Variants in HS6ST3 observed in about 807,000 individuals in gnomAD.
The protein encoded by HS6ST3 is heparan sulfate 6-O-sulfotransferase 3, also known as heparan-sulfate 6-O-sulfotransferase 3.
Under a neutral mutation model 36.7 loss-of-function variants are expected in HS6ST3, and 12 were observed. The observed-to-expected ratio is 0.33, with a 90% CI of 0.21 to 0.53. HS6ST3 has a LOEUF of 0.53. Among genes scored for constraint, HS6ST3 ranks in the 20% least tolerant of loss-of-function variants. The pLI, the probability that HS6ST3 is intolerant of heterozygous loss-of-function variation, is 0.95. For synonymous variants in HS6ST3, 240 were observed against 257.5 expected, an observed-to-expected ratio of 0.93 and a Z score of 0.65; for missense variants, 584 against 640.9, an observed-to-expected ratio of 0.91 and a Z score of 0.96.
chr13:96,439,082 GA>G (rs60523365), intron 1 of HS6ST3, among the ~76,000 whole-genome samples: 71,491 of 150,638 alleles, frequency 0.47, 17,619 homozygotes, highest in African/African-American at 0.61. Context: ...AAAAAAAAAA[GA>G]AAAAAAAAGA....
At chr13:96,695,549 C>T (rs915216888) in intron 1 of HS6ST3, among the ~76,000 whole-genome samples, 1 of 151,914 alleles carries the variant, frequency 6.6e-6, no homozygotes, top group African/African-American at 2.4e-5. Flanking sequence ...CCTCCCACCT[C>T]AGGCTCCTGA....
chr13:96,432,343 T>G (rs1430951442), intron 1 of HS6ST3, among the ~76,000 whole-genome samples: 1 of 152,238 alleles, frequency 6.6e-6, no homozygotes, highest in African/African-American at 2.4e-5. Flanking sequence ...AGTGTTATAT[T>G]TAATGGTGTA....
At chr13:96,621,182 A>T (rs2056493754) in intron 1 of HS6ST3, among the ~76,000 whole-genome samples, 1 of 152,198 alleles carries the variant, frequency 6.6e-6, no homozygotes. Context: ...TTAATGGGGC[A>T]TGAGGGAACC....
intron 1 of HS6ST3, among the ~76,000 whole-genome samples, chr13:96,173,755 T>C (rs2054199667): frequency 6.6e-6 from 1 of 151,236 alleles, no homozygotes; most frequent in Non-Finnish European, 1.5e-5. Flanking sequence ...TTCATTTTAA[T>C]TGGTGCCTAG....
At chr13:96,117,320 T>G (rs1266203249) in intron 1 of HS6ST3, among the ~76,000 whole-genome samples, 1 of 151,758 alleles carries the variant, frequency 6.6e-6, no homozygotes, top group Non-Finnish European at 1.5e-5. Context: ...TCTAAACACA[T>G]CAAAATAAAG....
chr13:96,339,738 G>A (rs1465824467), intron 1 of HS6ST3, among the ~76,000 whole-genome samples: 2 of 152,158 alleles, frequency 1.3e-5, no homozygotes, highest in Non-Finnish European at 2.9e-5. Context: ...CCATCAATTG[G>A]GAGTAACAGT....
At chr13:96,405,565 G>A (rs1355653874) in intron 1 of HS6ST3, among the ~76,000 whole-genome samples, 1 of 152,140 alleles carries the variant, frequency 6.6e-6, no homozygotes, top group Non-Finnish European at 1.5e-5. Flanking sequence ...TCTGACATGA[G>A]TACTGAATAA....
At chr13:96,818,967 ACTT>A (rs1187394429) in intron 1 of HS6ST3, among the ~76,000 whole-genome samples, 10 of 152,248 alleles carry the variant, frequency 6.6e-5, no homozygotes, top group African/African-American at 2.4e-4. Context: ...GTGTGTTGAA[ACTT>A]CTTAAGTATA....
At chr13:96,368,926 G>C (rs2055276330) in intron 1 of HS6ST3, among the ~76,000 whole-genome samples, 1 of 152,114 alleles carries the variant, frequency 6.6e-6, no homozygotes, top group African/African-American at 2.4e-5. Context: ...GTGTAAAAGT[G>C]TAAGGGACAT....
intron 1 of HS6ST3, among the ~76,000 whole-genome samples, chr13:96,802,431 A>G (rs956282946): frequency 6.6e-6 from 1 of 152,156 alleles, no homozygotes; most frequent in Non-Finnish European, 1.5e-5. Flanking sequence ...ACAAAAACTC[A>G]CTTTGTGAGG....
Position 96,297,476 on chromosome 13 carries a change from G to T in HS6ST3, c.707+205907G>T, listed in dbSNP as rs138796140. Among the ~76,000 whole-genome samples the T allele has an allele frequency of 3.9e-5, 6 of 152,206 alleles. No homozygotes were observed. The East Asian group carries it at 1.2e-3, about 29-fold the overall frequency. ...AAACCTGCAGTGGTTTCCCTGTAGC[G>T]TGTAGGTTAAAGTGAAAAAGCTCTT... On this transcript the variant is annotated intron_variant, in intron 1 of 1. Transcript: ENST00000376705.
At chr13:96,183,885 A>G (rs1263066649) in intron 1 of HS6ST3, among the ~76,000 whole-genome samples, 1 of 152,152 alleles carries the variant, frequency 6.6e-6, no homozygotes, top group East Asian at 1.9e-4. Context: ...GTAATTAATG[A>G]CACTGAATTT....
intron 1 of HS6ST3, among the ~76,000 whole-genome samples, chr13:96,466,728 G>T (rs2055815844): frequency 6.6e-6 from 1 of 151,968 alleles, no homozygotes; most frequent in African/African-American, 2.4e-5. Context: ...CACAGTACAT[G>T]CATGTATCAA....
At chr13:96,121,043 TC>T (rs2053923141) in intron 1 of HS6ST3, among the ~76,000 whole-genome samples, 1 of 152,208 alleles carries the variant, frequency 6.6e-6, no homozygotes, top group African/African-American at 2.4e-5. Context: ...AGGTTTCATT[TC>T]CAAGTCCGAG....
intron 1 of HS6ST3, among the ~76,000 whole-genome samples, chr13:96,428,928 C>T (rs552067464): frequency 8.5e-5 from 13 of 152,204 alleles, no homozygotes; most frequent in African/African-American, 2.9e-4. Context: ...TGGAAGAACA[C>T]GATGGGGATG....
intron 1 of HS6ST3, among the ~76,000 whole-genome samples, chr13:96,379,573 C>G (rs1342709884): frequency 6.6e-6 from 1 of 152,156 alleles, no homozygotes; most frequent in Non-Finnish European, 1.5e-5. Context: ...CTGGAAGGGA[C>G]TAAGGAATTA....
At chr13:96,417,790 CG>C (rs1566355410) in intron 1 of HS6ST3, among the ~76,000 whole-genome samples, 2 of 149,856 alleles carry the variant, frequency 1.3e-5, no homozygotes, top group South Asian at 4.3e-4. Context: ...TTCACGGTAA[CG>C]ATGTTCTATA....
chr13:96,522,457 G>A (rs2056097472), intron 1 of HS6ST3, among the ~76,000 whole-genome samples: 1 of 152,234 alleles, frequency 6.6e-6, no homozygotes, highest in East Asian at 1.9e-4. Context: ...GGGTGTTAAA[G>A]TCTCCCATTA....
intron 1 of HS6ST3, among the ~76,000 whole-genome samples, chr13:96,631,282 T>C (rs2056531274): frequency 1.3e-5 from 2 of 152,172 alleles, no homozygotes; most frequent in South Asian, 4.1e-4. Context: ...TTCCTCCCCT[T>C]TGTGCCTTGA....
Sources: gnomAD v4.1 joint callset for allele counts (sites outside exome capture counted in the v4.1 genomes callset) on GRCh38, gnomAD v4.1.1 for gene constraint, MANE v1.5 for transcripts, NCBI Gene and HGNC (gene_info 2026-07-23, HGNC 2026-07-21) for gene names.